The following EDN1 variants were observed in gnomAD, a reference collection of about 807,000 sequenced individuals.
EDN1 encodes endothelin 1.
Under a neutral mutation model 21.7 loss-of-function variants are expected in EDN1, and 11 were observed. The ratio of observed to expected loss-of-function variants is 0.51; its 90% CI spans 0.32 to 0.84. The LOEUF (loss-of-function observed/expected upper bound fraction) is 0.84, where lower values mean the gene tolerates loss of function less well. Ranked by LOEUF, EDN1 falls within the 40% of genes least tolerant of loss-of-function variation. The pLI, the probability that EDN1 is intolerant of heterozygous loss-of-function variation, is 0.03. For missense variants in EDN1, 244 were observed against 262.3 expected (o/e 0.93, Z 0.48); for synonymous variants, 85 against 90.6 (o/e 0.94, Z 0.35).
chr6:12,234,593 T>G, the EDN1 span, among the ~76,000 whole-genome samples: 1 of 152,220 alleles, frequency 6.6e-6, no homozygotes. Context: ...CAAAAGTCTC[T>G]GCTGTTAAAC....
the EDN1 span, among the ~76,000 whole-genome samples, chr6:12,282,087 G>A: frequency 6.6e-6 from 1 of 152,108 alleles, no homozygotes; most frequent in African/African-American, 2.4e-5. Context: ...TGGAGAGGTG[G>A]GCATTTGCTT....
the EDN1 span, among the ~76,000 whole-genome samples, chr6:12,283,039 G>T: frequency 1.3e-5 from 2 of 152,044 alleles, no homozygotes; most frequent in African/African-American, 4.8e-5. Context: ...ATCCCAAATG[G>T]TTTTTCTTTC....
the EDN1 span, among the ~76,000 whole-genome samples, chr6:12,253,927 C>T: frequency 6.6e-6 from 1 of 152,096 alleles, no homozygotes; most frequent in Non-Finnish European, 1.5e-5. Flanking sequence ...ATCTCCTTCC[C>T]TTTGTGCTTT....
the EDN1 span, among the ~76,000 whole-genome samples, chr6:12,270,981 T>C: frequency 5.1e-3 from 769 of 152,274 alleles, 7 homozygotes; most frequent in African/African-American, 0.018. Context: ...ATATTTACAA[T>C]TGTCATATGT....
chr6:12,287,782 G>A (rs373458029), upstream of EDN1, among the ~76,000 whole-genome samples: 3 of 141,312 alleles, frequency 2.1e-5, no homozygotes, highest in East Asian at 2.3e-4. Flanking sequence ...GCAGGCACAC[G>A]TCTTGCAAAT....
At chr6:12,263,940 A>G in the EDN1 span, among the ~76,000 whole-genome samples, 1 of 152,322 alleles carries the variant, frequency 6.6e-6, no homozygotes, top group East Asian at 1.9e-4. Context: ...AACTTGTTTG[A>G]GTTCATGAAT....
the EDN1 span, among the ~76,000 whole-genome samples, chr6:12,282,958 G>A: frequency 5.3e-5 from 8 of 152,226 alleles, no homozygotes; most frequent in African/African-American, 1.9e-4. Context: ...CACAATGTAT[G>A]CAGGGGTTTT....
At chr6:12,254,109 C>A in the EDN1 span, among the ~76,000 whole-genome samples, 1 of 152,108 alleles carries the variant, frequency 6.6e-6, no homozygotes, top group Non-Finnish European at 1.5e-5. Context: ...GTGTAAAACA[C>A]CTTTGGCATC....
At chr6:12,234,269 G>A in the EDN1 span, among the ~76,000 whole-genome samples, 1 of 152,200 alleles carries the variant, frequency 6.6e-6, no homozygotes, top group Non-Finnish European at 1.5e-5. Context: ...TAGAGAGCCA[G>A]GATCTGAAAA....
At chr6:12,286,390 T>C (rs1178563771), upstream of EDN1, among the ~76,000 whole-genome samples, 1 of 152,248 alleles carries the variant, frequency 6.6e-6, no homozygotes, top group Non-Finnish European at 1.5e-5. Flanking sequence ...ATGTGTGATG[T>C]GTCACAGGCC....
At chr6:12,266,075 G>T in the EDN1 span, among the ~76,000 whole-genome samples, 2 of 152,142 alleles carry the variant, frequency 1.3e-5, no homozygotes, top group Non-Finnish European at 2.9e-5. Flanking sequence ...AAGCCAGTGT[G>T]GGGGAAGATG....
the EDN1 span, among the ~76,000 whole-genome samples, chr6:12,235,021 G>A: frequency 3.3e-5 from 5 of 152,200 alleles, no homozygotes; most frequent in Non-Finnish European, 7.3e-5. Flanking sequence ...GTTTGAAGGG[G>A]AGGATTGGAG....
chr6:12,267,360 T>C, the EDN1 span, among the ~76,000 whole-genome samples: 1 of 152,222 alleles, frequency 6.6e-6, no homozygotes, highest in Non-Finnish European at 1.5e-5. Context: ...TAATTTTGAC[T>C]TTCAAGCCTT....
At chr6:12,280,001 A>T in the EDN1 span, among the ~76,000 whole-genome samples, 1 of 152,184 alleles carries the variant, frequency 6.6e-6, no homozygotes, top group Non-Finnish European at 1.5e-5. Flanking sequence ...ATAACTAGAG[A>T]TCTGTATAAC....
chr6:12,287,809 C>T (rs1379233216), upstream of EDN1, among the ~76,000 whole-genome samples: 1 of 150,858 alleles, frequency 6.6e-6, no homozygotes, highest in Non-Finnish European at 1.5e-5. Context: ...TTCAAAGAGA[C>T]AGGGGCACCA....
the EDN1 span, among the ~76,000 whole-genome samples, chr6:12,266,743 G>T: frequency 6.6e-6 from 1 of 152,124 alleles, no homozygotes; most frequent in Admixed American, 6.5e-5. Flanking sequence ...TGCATTTCAG[G>T]CCTGCAGAAA....
At chr6:12,239,265 A>C in the EDN1 span, among the ~76,000 whole-genome samples, 8 of 152,320 alleles carry the variant, frequency 5.3e-5, no homozygotes, top group South Asian at 1.7e-3. Context: ...TGTCTCCATA[A>C]ACCCATTTAA....
the EDN1 span, among the ~76,000 whole-genome samples, chr6:12,241,356 G>C: frequency 4.6e-5 from 7 of 151,518 alleles, no homozygotes; most frequent in African/African-American, 1.7e-4. Context: ...GTAGAGACCG[G>C]GTTTTGGTTT....
At chr6:12,253,967 A>G in the EDN1 span, among the ~76,000 whole-genome samples, 17 of 152,036 alleles carry the variant, frequency 1.1e-4, no homozygotes, top group East Asian at 2.1e-3. Flanking sequence ...GAACACCATC[A>G]TCTCTTACCT....
Sources: gnomAD v4.1 joint callset for allele counts (sites outside exome capture counted in the v4.1 genomes callset) on GRCh38, gnomAD v4.1.1 for gene constraint, MANE v1.5 for transcripts, NCBI Gene and HGNC (gene_info 2026-07-23, HGNC 2026-07-21) for gene names.